Variants in KRAS observed in about 807,000 individuals in gnomAD.
KRAS encodes GTPase KRas.
Under a neutral mutation model 21.0 loss-of-function variants are expected in KRAS, and 1 was observed. The ratio of observed to expected loss-of-function variants is 0.05; its 90% CI spans 0.02 to 0.23. The LOEUF is 0.23. Among genes scored for constraint, KRAS ranks in the 10% least tolerant of loss-of-function variants. The pLI is 1.00. For synonymous variants in KRAS, 67 were observed against 72.5 expected (o/e 0.92, Z 0.39); for missense variants, 107 against 221.8 (o/e 0.48, Z 3.29).
intron 4 of KRAS, among the ~76,000 whole-genome samples, chr12:25,220,721 C>CA (rs35976713): frequency 0.49 from 66,175 of 135,580 alleles, 16,282 homozygotes; most frequent in East Asian, 0.8. Context: ...GAGACCGTCT[C>CA]AAAAAAAAAA....
intron 4 of KRAS, among the ~76,000 whole-genome samples, chr12:25,217,806 GT>G (rs1951272547): frequency 2.0e-5 from 3 of 152,090 alleles, no homozygotes; most frequent in African/African-American, 4.8e-5. Context: ...AGGCAGGAGG[GT>G]TGCCTGGGCC....
chr12:25,227,666 T>TA (rs772682517), intron 2 of KRAS, among the ~76,000 whole-genome samples: 5 of 151,912 alleles, frequency 3.3e-5, no homozygotes, highest in African/African-American at 1.2e-4. Context: ...TGGCTATTAT[T>TA]AAAAAAACAA....
At chr12:25,228,928 G>T (rs140510307) in intron 2 of KRAS, among the ~76,000 whole-genome samples, 3 of 152,010 alleles carry the variant, frequency 2.0e-5, no homozygotes, top group African/African-American at 7.2e-5. Context: ...GCGTGGTGGC[G>T]GGCGCCTGTA....
At chr12:25,232,927 A>T (rs1345135927) in intron 2 of KRAS, among the ~76,000 whole-genome samples, 1 of 152,232 alleles carries the variant, frequency 6.6e-6, no homozygotes, top group Non-Finnish European at 1.5e-5. Flanking sequence ...AGCCTTTGAC[A>T]TAGTAATGTT....
At chr12:25,247,401 C>T (rs1951698344) in intron 1 of KRAS, among the ~76,000 whole-genome samples, 1 of 152,202 alleles carries the variant, frequency 6.6e-6, no homozygotes, top group African/African-American at 2.4e-5. Flanking sequence ...TAGTTCCCCG[C>T]CTTACTCTGC....
At chr12:25,237,207 G>A (rs2135796396) in intron 2 of KRAS, among the ~76,000 whole-genome samples, 1 of 152,288 alleles carries the variant, frequency 6.6e-6, no homozygotes, top group Middle Eastern at 3.4e-3. Context: ...CCACAGAGAT[G>A]GAAAAATTAG....
chr12:25,207,579 A>G lies in KRAS; in HGVS notation c.*2216T>C, dbSNP rs1488164907. 2 of 228,512 alleles carry G rather than the reference A, an allele frequency of 8.8e-6. No homozygotes were observed. The highest frequency in any genetic ancestry group is 1.7e-5 in the Non-Finnish European group (2 of 115,306). 14.2% of individuals were successfully genotyped at this position (228,512 alleles called of 1,614,324 possible). On this transcript the variant is annotated 3_prime_UTR_variant, in exon 5 of 5. Coordinates refer to ENST00000311936, the MANE Select transcript of KRAS (RefSeq NM_004985.5). ...CATTGCATGAAGATTTCTGGTTACT[A>G]AAACAATGGAATGTATTACTGTTAC...
At chr12:25,246,654 C>T (rs1395756650) in intron 1 of KRAS, among the ~76,000 whole-genome samples, 1 of 152,112 alleles carries the variant, frequency 6.6e-6, no homozygotes, top group Non-Finnish European at 1.5e-5. Flanking sequence ...CGGTGGCTCA[C>T]GCCTATAATC....
chr12:25,218,945 GT>G (rs71065925), intron 4 of KRAS, among the ~76,000 whole-genome samples: 47 of 144,502 alleles, frequency 3.3e-4, no homozygotes, highest in East Asian at 6.0e-4. Context: ...TTCTTTTTTT[GT>G]TTTTTTTTTT....
intron 4 of KRAS, chr12:25,215,264 A>G: frequency 1.3e-6 from 1 of 764,084 alleles, no homozygotes; most frequent in Non-Finnish European, 1.6e-6. Context: ...CTCAATTATA[A>G]TTAATTCCCA....
At chr12:25,214,719 C>T (rs549591526) in intron 4 of KRAS, among the ~76,000 whole-genome samples, 10 of 152,208 alleles carry the variant, frequency 6.6e-5, no homozygotes, top group Admixed American at 3.3e-4. Context: ...TGTATCTCTC[C>T]GGTTTCACAA....
intron 4 of KRAS, among the ~76,000 whole-genome samples, chr12:25,223,112 A>C (rs1263299022): frequency 6.6e-6 from 1 of 152,204 alleles, no homozygotes; most frequent in East Asian, 1.9e-4. Context: ...TCTTTACTGC[A>C]ACCCCTTAAA....
intron 1 of KRAS, among the ~76,000 whole-genome samples, chr12:25,249,200 G>C (rs960607046): frequency 1.3e-5 from 2 of 152,130 alleles, no homozygotes; most frequent in East Asian, 3.9e-4. Flanking sequence ...TTCTAGACCA[G>C]CCTGACCAAC....
At chr12:25,233,410 T>TAG (rs964227295) in intron 2 of KRAS, among the ~76,000 whole-genome samples, 4 of 151,848 alleles carry the variant, frequency 2.6e-5, no homozygotes, top group Non-Finnish European at 5.9e-5. Flanking sequence ...AAAAAAAAAT[T>TAG]AGGTGTGGTA....
chr12:25,221,335 C>A lies in KRAS; in HGVS notation c.450+4279G>T, dbSNP rs1314403175. Reference sequence around the variant, plus strand: ...ACAGCCTCTGCCTCTCAGGTTCAAGCAATTCTACTGCCTCAGCCCCTTGAG... The same window carrying A: ...ACAGCCTCTGCCTCTCAGGTTCAAGAAATTCTACTGCCTCAGCCCCTTGAG... On this transcript the variant is annotated intron_variant, in intron 4 of 4. Coordinates refer to ENST00000311936, the MANE Select transcript of KRAS (RefSeq NM_004985.5). Among the ~76,000 whole-genome samples, 3 of 151,386 alleles carry A rather than the reference C, an allele frequency of 2.0e-5. No homozygotes were observed. The East Asian group carries it at 5.9e-4, about 30-fold the overall frequency.
chr12:25,223,952 A>G (rs1951358019), intron 4 of KRAS, among the ~76,000 whole-genome samples: 1 of 152,118 alleles, frequency 6.6e-6, no homozygotes, highest in South Asian at 2.1e-4. Context: ...TGTACCACAT[A>G]ATGACATTTT....
chr12:25,213,719 T>C (rs556042516), intron 4 of KRAS, among the ~76,000 whole-genome samples: 1 of 152,358 alleles, frequency 6.6e-6, no homozygotes, highest in African/African-American at 2.4e-5. Context: ...ATAAATGTAG[T>C]AGTTTTTGAA....
chr12:25,212,444 G>A (rs1463029949), intron 4 of KRAS, among the ~76,000 whole-genome samples: 1 of 152,052 alleles, frequency 6.6e-6, no homozygotes, highest in African/African-American at 2.4e-5. Context: ...AGTAATTTTG[G>A]CCCAGTGCAG....
intron 1 of KRAS, among the ~76,000 whole-genome samples, chr12:25,250,224 T>A (rs545421626): frequency 5.5e-4 from 83 of 152,266 alleles, no homozygotes; most frequent in Non-Finnish European, 8.7e-4. Context: ...CCACTATCCG[T>A]CCAGCCTGCG....
Sources: gnomAD v4.1 joint callset for allele counts (sites outside exome capture counted in the v4.1 genomes callset) on GRCh38, gnomAD v4.1.1 for gene constraint, MANE v1.5 for transcripts, NCBI Gene and HGNC (gene_info 2026-07-23, HGNC 2026-07-21) for gene names.